The following SLC25A22 variants were observed in gnomAD, a reference collection of about 807,000 sequenced individuals.
SLC25A22 encodes solute carrier family 25 member 22, also known as mitochondrial glutamate carrier 1.
SLC25A22 carries 23 observed loss-of-function variants against 33.7 expected under a neutral mutation model. The ratio of observed to expected loss-of-function variants is 0.68; its 90% CI spans 0.49 to 0.97. The LOEUF is 0.97. SLC25A22 is among the 50% of genes least tolerant of loss of function. SLC25A22 has a pLI of 0.00. For synonymous variants in SLC25A22, 245 were observed against 203.8 expected, an observed-to-expected ratio of 1.20 and a Z score of -1.72; for missense variants, 390 against 451.1, an observed-to-expected ratio of 0.86 and a Z score of 1.23.
At position 791,873 on chromosome 11, in the gene SLC25A22, A is replaced by G. The variant is rs1268795723; in HGVS notation, c.*42T>C. The G allele has an allele frequency of 2.6e-6, 4 of 1,553,864 alleles. No individual in the cohort carries two copies. In the African/African-American group the frequency reaches 4.1e-5, roughly 16 times the overall value. ...GCTAGCTGCCTGGCTCCAGCCCCACACCGGCCCTGCCCAGCTGGCTGGGGT... is the reference window on the plus strand; with the variant it reads ...GCTAGCTGCCTGGCTCCAGCCCCACGCCGGCCCTGCCCAGCTGGCTGGGGT... On this transcript the variant is annotated 3_prime_UTR_variant, in exon 10 of 10. Transcript: ENST00000628067.
chr11:794,480 C>T lies in SLC25A22; in HGVS notation c.180G>A (p.Glu60=). The T allele has an allele frequency of 6.2e-7, 1 of 1,613,054 alleles. No homozygotes were observed. ...SDCLIKTVRS[E]GYFGMYRGAA... ...CACCCCGGTACATGCCGAAGTAGCC[C>T]TCGGAGCGGACGGTCTTGATGAGGC... Residue 60 remains glutamate (E), a synonymous_variant, in exon 4 of 10, where the codon GAG becomes GAA. Coordinates refer to ENST00000628067, the MANE Select transcript of SLC25A22 (RefSeq NM_001191061.2).
rs566262436 is a variant in SLC25A22 at position 791,602 on chromosome 11, G to A, written c.*313C>T. On this transcript the variant is annotated 3_prime_UTR_variant, in exon 10 of 10. Coordinates refer to ENST00000628067, the MANE Select transcript of SLC25A22 (RefSeq NM_001191061.2). The stretch of plus-strand genomic sequence containing the variant: ...CAGCCTGCCCGGCCCAGGCCCGGGG[G>A]CCCCCAGCCCAGAGACCAGCTCTGT... 49 of 444,524 alleles carry A rather than the reference G, an allele frequency of 1.1e-4. No individual in the cohort carries two copies. The highest frequency in any genetic ancestry group is 9.3e-4 in the African/African-American group (47 of 50,384). 27.5% of individuals were successfully genotyped at this position (444,524 alleles called of 1,614,324 possible). A position where few individuals can be genotyped will look rare whatever the true frequency, so the allele number is the denominator to read the frequency against.
intron 1 of SLC25A22, 33 bp downstream of exon 1, chr11:798,184 G>T (rs1425500654): frequency 2.0e-5 from 8 of 397,556 alleles, no homozygotes; most frequent in Admixed American, 8.8e-5. Context: ...TCGGATGGGC[G>T]CAGCAGAAGG....
rs954768628 is a variant in SLC25A22, at chr11:791,481, T to C, written c.*434A>G. On this transcript the variant is annotated 3_prime_UTR_variant, in exon 10 of 10. Coordinates refer to ENST00000628067, the MANE Select transcript of SLC25A22 (RefSeq NM_001191061.2). The stretch of plus-strand genomic sequence containing the variant: ...AAGGACGGAAGGGCTGGAGAGCCGC[T>C]TGGGTCCAGCAGATTCAATAAATAG... 2.3e-5 allele frequency: 5 copies of C among 216,490 alleles called. No individual in the cohort carries two copies. Among genetic ancestry groups the C allele is most frequent in the Non-Finnish European group, 4.7e-5 (5 of 106,908 alleles). 13.4% of individuals were successfully genotyped at this position (216,490 alleles called of 1,614,324 possible). A position where few individuals can be genotyped will look rare whatever the true frequency, so the allele number is the denominator to read the frequency against.
chr11:796,742 G>A (rs28364641), intron 1 of SLC25A22, among the ~76,000 whole-genome samples: 6,774 of 152,240 alleles, frequency 0.044, 366 homozygotes, highest in East Asian at 0.22. Context: ...AGAGCTAGCT[G>A]GGTGCCAGAG....
intron 1 of SLC25A22, 137 bp downstream of exon 1, chr11:798,080 G>A (rs562745322): frequency 6.5e-5 from 26 of 398,184 alleles, no homozygotes; most frequent in African/African-American, 4.9e-4. Flanking sequence ...GCTGGTCCAG[G>A]ACCCCCCCTC....
chr11:793,283 C>T (rs1444324245), intron 5 of SLC25A22, among the ~76,000 whole-genome samples: 3 of 152,216 alleles, frequency 2.0e-5, no homozygotes, highest in Non-Finnish European at 1.5e-5. Flanking sequence ...AGTCCCCCTC[C>T]AGTGATGGGG....
chr11:792,089 G>A (rs1194198413), intron 9 of SLC25A22, 21 bp from the exon 10 acceptor site: 2 of 1,599,702 alleles, frequency 1.3e-6, no homozygotes, highest in Non-Finnish European at 1.7e-6. Context: ...AGGACGAAAG[G>A]GTCAGCCCGG....
In SLC25A22 at chr11:792,990, T is replaced by C; in HGVS notation, c.294-2A>G. The stretch of plus-strand genomic sequence containing the variant: ...TCTTTAAGCAGGGTCAGCTTCTGCC[T>C]GTGGTAGGGGCGGGGCCGCAGTAAG... On this transcript the variant is annotated splice_acceptor_variant, in intron 5 of 9. Coordinates refer to ENST00000628067, the MANE Select transcript of SLC25A22 (RefSeq NM_001191061.2). LOFTEE classifies it high-confidence loss of function. The C allele has an allele frequency of 6.2e-7, 1 of 1,613,072 alleles. No individual in the cohort carries two copies. The highest frequency in any genetic ancestry group is 8.5e-7 in the Non-Finnish European group (1 of 1,179,838).
At chr11:793,871 G>A (rs984386007) in intron 4 of SLC25A22, 1 of 570,270 alleles carries the variant, frequency 1.8e-6, no homozygotes, top group African/African-American at 1.9e-5. Flanking sequence ...GCAGCATCTT[G>A]CTGCTCAGGG....
At position 793,633 on chromosome 11, in the gene SLC25A22, G is replaced by T; in HGVS notation, c.203-14C>A. 1 of 1,587,108 alleles carries T rather than the reference G, an allele frequency of 6.3e-7. No homozygotes were observed. The highest frequency in any genetic ancestry group is 8.6e-7 in the Non-Finnish European group (1 of 1,163,894). Reference sequence around the variant, plus strand: ...TCACAGCAGCTCCTGTGGGGCAGGGGGTCAGCTGGGGGGACATGCTCGGTG... The same window carrying T: ...TCACAGCAGCTCCTGTGGGGCAGGGTGTCAGCTGGGGGGACATGCTCGGTG... On this transcript the variant is annotated splice_polypyrimidine_tract_variant and intron_variant, in intron 4 of 9. Transcript: ENST00000628067.
In SLC25A22 at chr11:793,615, A is replaced by C. The variant is rs527440140; in HGVS notation, c.207T>G (p.Ala69=). Residue 69 remains alanine (A), a synonymous_variant, in exon 5 of 10, where the codon GCT becomes GCG. Coordinates refer to ENST00000628067, the MANE Select transcript of SLC25A22 (RefSeq NM_001191061.2). ...SEGYFGMYRG[A]AVNLTLVTPE... is the part of the protein sequence containing the mutation. ...GGGTGACGAGGGTCAAGTTCACAGCAGCTCCTGTGGGGCAGGGGGTCAGCT... is the reference window on the plus strand; with the variant it reads ...GGGTGACGAGGGTCAAGTTCACAGCCGCTCCTGTGGGGCAGGGGGTCAGCT... 48 of 1,608,070 alleles carry C rather than the reference A, an allele frequency of 3.0e-5. No homozygotes were observed. The Admixed American group carries it at 3.5e-4, about 12-fold the overall frequency.
rs748509400 is a variant in SLC25A22, at chr11:794,524, G to C, written c.147-11C>G. Reference sequence around the variant, plus strand: ...ATGAGGCAGTCGGACCTGTGGCCAAGGGGACAGGGTGAGCCAGGGCCAGCT... The same window carrying C: ...ATGAGGCAGTCGGACCTGTGGCCAACGGGACAGGGTGAGCCAGGGCCAGCT... On this transcript the variant is annotated splice_polypyrimidine_tract_variant and intron_variant, in intron 3 of 9. Coordinates refer to ENST00000628067, the MANE Select transcript of SLC25A22 (RefSeq NM_001191061.2). The C allele has an allele frequency of 7.4e-6, 12 of 1,611,932 alleles. No individual in the cohort carries two copies. The East Asian group carries it at 2.7e-4, about 36-fold the overall frequency.
At position 791,904 on chromosome 11, in the gene SLC25A22, G is replaced by A. The variant is rs769239083; in HGVS notation, c.*11C>T. 3.6e-5 allele frequency: 57 copies of A among 1,587,454 alleles called. No homozygotes were observed. The highest frequency in any genetic ancestry group is 3.4e-4 in the Admixed American group (20 of 58,656). On this transcript the variant is annotated 3_prime_UTR_variant, in exon 10 of 10. Coordinates refer to ENST00000628067, the MANE Select transcript of SLC25A22 (RefSeq NM_001191061.2). ...CCTGCCCAGCTGGCTGGGGTGGAGC[G>A]GGTGCTGGGCTCAGGCCTGGGGGTC...
chr11:794,611 C>CTTCG, intron 3 of SLC25A22, 98 bp from the exon 4 acceptor site: 1 of 1,540,726 alleles, frequency 6.5e-7, no homozygotes, highest in Non-Finnish European at 8.8e-7. Context: ...GCCAAGTCCT[C>CTTCG]AGCCCAGCCC....
chr11:794,018 G>A (rs889073639), intron 4 of SLC25A22: 11 of 470,452 alleles, frequency 2.3e-5, no homozygotes, highest in South Asian at 2.0e-4. Flanking sequence ...CCAGAGCTCG[G>A]GGGAGGCTGT....
rs1864533898 is a variant in SLC25A22, at chr11:791,813, G to C, written c.*102C>G. 7.0e-7 allele frequency: 1 copy of C among 1,438,138 alleles called. No homozygotes were observed. The highest frequency in any genetic ancestry group is 9.2e-7 in the Non-Finnish European group (1 of 1,087,982). 89.1% of individuals were successfully genotyped at this position (1,438,138 alleles called of 1,614,324 possible). A position where few individuals can be genotyped will look rare whatever the true frequency, so the allele number is the denominator to read the frequency against. Reference sequence around the variant, plus strand: ...CCCCCTGCTGCCCCTGCCGACGGGAGGGCTGGGGAGGGGTCTTCCCTTGCT... The same window carrying C: ...CCCCCTGCTGCCCCTGCCGACGGGACGGCTGGGGAGGGGTCTTCCCTTGCT... On this transcript the variant is annotated 3_prime_UTR_variant, in exon 10 of 10. Coordinates refer to ENST00000628067, the MANE Select transcript of SLC25A22 (RefSeq NM_001191061.2).
rs965600937 is a variant in SLC25A22, at chr11:791,029, C to T, written c.*886G>A. Reference sequence around the variant, plus strand: ...ATGCCCGCCCTGCTCCCTGGCCAATCCCAGGCCAGGGTGGAGGACTCAGGA... The same window carrying T: ...ATGCCCGCCCTGCTCCCTGGCCAATTCCAGGCCAGGGTGGAGGACTCAGGA... On this transcript the variant is annotated 3_prime_UTR_variant, in exon 10 of 10. Transcript: ENST00000628067. 3.3e-5 allele frequency: 5 copies of T among 152,404 alleles called. No homozygotes were observed. The highest frequency in any genetic ancestry group is 1.2e-4 in the African/African-American group (5 of 41,578). The allele number at this position is 152,404 out of a possible 1,614,324, so 9.4% of individuals were successfully genotyped here.
At chr11:793,024 G>A (rs772172566) in intron 5 of SLC25A22, 36 bp from the exon 6 acceptor site, 31 of 1,599,630 alleles carry the variant, frequency 1.9e-5, no homozygotes, top group Non-Finnish European at 2.6e-5. Context: ...AGTGGGAAGA[G>A]ACAGGTCTAC....
Sources: allele counts gnomAD v4.1 joint callset (sites outside exome capture counted in the v4.1 genomes callset), GRCh38; gene constraint gnomAD v4.1.1; transcripts MANE v1.5; gene names NCBI Gene and HGNC (gene_info 2026-07-23, HGNC 2026-07-21).